Variants in SYNE1 observed in about 807,000 individuals in gnomAD.
SYNE1 encodes nesprin-1.
SYNE1 carries 616 observed loss-of-function variants against 1,111.0 expected under a neutral mutation model. That is an observed-to-expected ratio of 0.55 (90% CI 0.52 to 0.59). SYNE1 has a LOEUF of 0.59. SYNE1 is among the 20% of genes least tolerant of loss of function. The pLI is 0.00. For synonymous variants in SYNE1, 3,855 were observed against 3,825.8 expected, an observed-to-expected ratio of 1.01 and a Z score of -0.28; for missense variants, 10,006 against 10,417.0, an observed-to-expected ratio of 0.96 and a Z score of 1.72.
chr6:152,251,805 A>G (rs1374641687), intron 104 of SYNE1, among the ~76,000 whole-genome samples: 1 of 152,174 alleles, frequency 6.6e-6, no homozygotes, highest in East Asian at 1.9e-4. Flanking sequence ...GAATTGAACT[A>G]TTTTTGTATT....
intron 116 of SYNE1, among the ~76,000 whole-genome samples, chr6:152,225,422 A>T (rs560553401): frequency 6.6e-6 from 1 of 152,224 alleles, no homozygotes; most frequent in African/African-American, 2.4e-5. Context: ...ACTTAGATAC[A>T]GATATCCACT....
At chr6:152,385,538 G>A in intron 55 of SYNE1, 136 bp downstream of exon 55, 1 of 917,066 alleles carries the variant, frequency 1.1e-6, no homozygotes, top group Non-Finnish European at 1.7e-6. Flanking sequence ...TTGTTTATGT[G>A]TAGAATCAGT....
At position 152,395,537 on chromosome 6, in the gene SYNE1, A is replaced by G; in HGVS notation, c.7691T>C (p.Leu2564Ser). ...KNEVHKVEMF[L>S]GELLAARESL... ...ATACCTTGCAGCCAGCAGTTCTCCC[A>G]AAAACATTTCAACTTTATGAACTTC... Residue 2564 changes from leucine (L) to serine (S), a missense_variant, in exon 51 of 146, where the codon TTG (leucine) becomes TCG (serine). Coordinates refer to ENST00000367255, the MANE Select transcript of SYNE1 (RefSeq NM_182961.4). 6.2e-7 allele frequency: 1 copy of G among 1,613,838 alleles called. No individual in the cohort carries two copies. The highest frequency in any genetic ancestry group is 8.5e-7 in the Non-Finnish European group (1 of 1,179,856).
At chr6:152,577,194 G>A (rs2099500106) in intron 3 of SYNE1, among the ~76,000 whole-genome samples, 1 of 152,098 alleles carries the variant, frequency 6.6e-6, no homozygotes, top group Non-Finnish European at 1.5e-5. Flanking sequence ...AATTAATGCA[G>A]GGCTTTAAAG....
chr6:152,174,589 C>T (rs1275386755), intron 130 of SYNE1, among the ~76,000 whole-genome samples: 2 of 152,156 alleles, frequency 1.3e-5, no homozygotes, highest in Admixed American at 1.3e-4. Flanking sequence ...AAAAACAGAA[C>T]TTATCTTCCA....
At chr6:152,260,969 G>A (rs1208093729) in intron 101 of SYNE1, among the ~76,000 whole-genome samples, 1 of 152,090 alleles carries the variant, frequency 6.6e-6, no homozygotes, top group African/African-American at 2.4e-5. Flanking sequence ...CCTGGGGGTT[G>A]GGAAGCCCTG....
intron 14 of SYNE1, chr6:152,472,696 T>A (rs771478632): frequency 1.2e-5 from 8 of 691,002 alleles, no homozygotes; most frequent in Non-Finnish European, 2.1e-5. Flanking sequence ...AGGCACATGA[T>A]CCAAAGGAAA....
At chr6:152,390,921 C>T (rs1214449078) in intron 52 of SYNE1, among the ~76,000 whole-genome samples, 1 of 152,110 alleles carries the variant, frequency 6.6e-6, no homozygotes, top group Non-Finnish European at 1.5e-5. Flanking sequence ...TTGAAAGTAA[C>T]AATTTACAGA....
intron 81 of SYNE1, 56 bp from the exon 82 acceptor site, chr6:152,323,793 G>C: frequency 6.3e-7 from 1 of 1,594,614 alleles, no homozygotes. Flanking sequence ...GAAAAAAATA[G>C]GGTAACTCCC....
At chr6:152,124,324 T>C (rs2052565815) in intron 145 of SYNE1, among the ~76,000 whole-genome samples, 1 of 151,984 alleles carries the variant, frequency 6.6e-6, no homozygotes, top group African/African-American at 2.4e-5. Context: ...CAGATATTGG[T>C]TCTGCAGAAA....
At chr6:152,495,109 C>T (rs574888361) in intron 11 of SYNE1, among the ~76,000 whole-genome samples, 19 of 152,304 alleles carry the variant, frequency 1.2e-4, no homozygotes, top group Non-Finnish European at 1.5e-5. Flanking sequence ...CCTCTCATTT[C>T]CTTTCCATCA....
Position 152,211,606 on chromosome 6 carries a change from G to T in SYNE1, c.22495-18C>A. 1 of 1,602,150 alleles carries T rather than the reference G, an allele frequency of 6.2e-7. No homozygotes were observed. Among genetic ancestry groups the T allele is most frequent in the Non-Finnish European group, 8.5e-7 (1 of 1,170,228 alleles). ...TGAAACAACTATAATTTAAAAAAAA[G>T]AAGAACATACTTTAGAGTTCCTAAT... On this transcript the variant is annotated intron_variant, in intron 123 of 145. Transcript: ENST00000367255.
Position 152,231,573 on chromosome 6 carries a change from A to T in SYNE1, c.20863-6T>A. The T allele has an allele frequency of 6.2e-7, 1 of 1,613,920 alleles. No individual in the cohort carries two copies. Among genetic ancestry groups the T allele is most frequent in the Non-Finnish European group, 8.5e-7 (1 of 1,179,882 alleles). On this transcript the variant is annotated splice_polypyrimidine_tract_variant and splice_region_variant and intron_variant, in intron 113 of 145. Transcript: ENST00000367255. ...TTAATGTCTATCTTAAAACCCTAAAAAAAAAGAGGAGAAAATAAGATTATA... is the reference window on the plus strand; with the variant it reads ...TTAATGTCTATCTTAAAACCCTAAATAAAAAGAGGAGAAAATAAGATTATA...
chr6:152,139,441 C>T (rs2057875015), intron 140 of SYNE1, among the ~76,000 whole-genome samples: 1 of 151,214 alleles, frequency 6.6e-6, no homozygotes, highest in Admixed American at 6.6e-5. Context: ...CATGGTGGTG[C>T]GTGCCTGTAA....
intron 6 of SYNE1, chr6:152,511,630 A>C: frequency 6.3e-7 from 1 of 1,596,996 alleles, no homozygotes; most frequent in Middle Eastern, 1.7e-4. Flanking sequence ...ATAGATATAC[A>C]TAAATCATCT....
At chr6:152,527,579 G>A (rs11155858) in intron 4 of SYNE1, among the ~76,000 whole-genome samples, 62,455 of 151,830 alleles carry the variant, frequency 0.41, 13,312 homozygotes, top group African/African-American at 0.47. Context: ...AGCCATATAC[G>A]GTCATTAAAA....
Position 152,122,270 on chromosome 6 carries a change from C to A in SYNE1, c.*166G>T. On this transcript the variant is annotated 3_prime_UTR_variant, in exon 146 of 146. Transcript: ENST00000367255. ...TTGTTCCCCCGTCACTGTTTATCTT[C>A]CACCTCTGAAGCCATAATTTGCACA... is the stretch of plus-strand genomic sequence containing the variant. The A allele has an allele frequency of 1.9e-6, 2 of 1,043,206 alleles. No individual in the cohort carries two copies. The highest frequency in any genetic ancestry group is 3.1e-5 in the African/African-American group (2 of 63,860). The allele number at this position is 1,043,206 out of a possible 1,614,324, so 64.6% of individuals were successfully genotyped here. A position where few individuals can be genotyped will look rare whatever the true frequency, so the allele number is the denominator to read the frequency against.
intron 95 of SYNE1, among the ~76,000 whole-genome samples, chr6:152,285,435 A>G (rs905616508): frequency 7.2e-5 from 11 of 152,184 alleles, no homozygotes; most frequent in African/African-American, 2.2e-4. Context: ...GAAAATATCA[A>G]TTAGGTCCTC....
At chr6:152,299,322 A>G (rs2095049836) in intron 93 of SYNE1, among the ~76,000 whole-genome samples, 1 of 152,362 alleles carries the variant, frequency 6.6e-6, no homozygotes, top group Admixed American at 6.5e-5. Context: ...ACCATAGGGA[A>G]GGACAAATCA....
Sources: gnomAD v4.1 joint callset for allele counts (sites outside exome capture counted in the v4.1 genomes callset) on GRCh38, gnomAD v4.1.1 for gene constraint, MANE v1.5 for transcripts, NCBI Gene and HGNC (gene_info 2026-07-23, HGNC 2026-07-21) for gene names.